The following INTS8 variants were observed in gnomAD, a reference collection of about 807,000 sequenced individuals.
INTS8 encodes protein kaonashi-1.
INTS8 carries 47 observed loss-of-function variants against 138.9 expected under a neutral mutation model. The observed-to-expected ratio is 0.34, with a 90% confidence interval of 0.27 to 0.43. The LOEUF is 0.43. Among genes scored for constraint, INTS8 ranks in the 20% least tolerant of loss-of-function variants. The probability of loss-of-function intolerance (pLI) is 1.00; values close to 1 mark genes in which losing one functional copy is unlikely to be tolerated. For synonymous variants in INTS8, 392 were observed against 400.9 expected (o/e 0.98, Z 0.27); for missense variants, 996 against 1,173.0 (o/e 0.85, Z 2.20).
Position 94,881,595 on chromosome 8 carries a change from C to G in INTS8, c.*1361C>G, listed in dbSNP as rs1159018368. 1 of 1,607,368 alleles carries G rather than the reference C, an allele frequency of 6.2e-7. No individual in the cohort carries two copies. Among genetic ancestry groups the G allele is most frequent in the South Asian group, 1.1e-5 (1 of 90,504 alleles). The stretch of plus-strand genomic sequence containing the variant: ...TTCAGTGATACCAGTTCTACCCAAT[C>G]TTGGTGAATTCCAACTTGTTTGCTT... On this transcript the variant is annotated 3_prime_UTR_variant, in exon 27 of 27. Coordinates refer to ENST00000523731, the MANE Select transcript of INTS8 (RefSeq NM_017864.4).
intron 10 of INTS8, 26 bp downstream of exon 10, chr8:94,842,514 T>C (rs1815172485): frequency 6.3e-7 from 1 of 1,574,958 alleles, no homozygotes; most frequent in African/African-American, 1.4e-5. Context: ...CTTTCCCCTT[T>C]TGATTTATAA....
At position 94,851,466 on chromosome 8, in the gene INTS8, TATA is replaced by T. The variant is rs563410975; in HGVS notation, c.1508-83_1508-81del. 2.7e-4 allele frequency: 237 copies of T among 889,228 alleles called. No homozygotes were observed. In the African/African-American group the frequency reaches 3.7e-3, roughly 14 times the overall value. 55.1% of individuals were successfully genotyped at this position (889,228 alleles called of 1,614,324 possible). ...ATGATAGCAGCTTTTAATTTATAGA[TATA>T]ATACAAAATACATAATTTTAAGTAA... On this transcript the variant is annotated intron_variant, in intron 12 of 26. Coordinates refer to ENST00000523731, the MANE Select transcript of INTS8 (RefSeq NM_017864.4).
At chr8:94,846,787 G>A (rs76883047) in intron 10 of INTS8, among the ~76,000 whole-genome samples, 7,282 of 152,190 alleles carry the variant, frequency 0.048, 230 homozygotes, top group Middle Eastern at 0.065. Flanking sequence ...TGAAGGTCCT[G>A]TTTTTAAAAT....
At chr8:94,867,233 A>T in intron 19 of INTS8, 37 bp downstream of exon 19, 2 of 1,600,040 alleles carry the variant, frequency 1.2e-6, no homozygotes, top group Non-Finnish European at 1.7e-6. Context: ...AAAATTTAAA[A>T]GAAATTTCTT....
At chr8:94,824,045 G>A (rs550887731) in intron 1 of INTS8, among the ~76,000 whole-genome samples, 2 of 152,280 alleles carry the variant, frequency 1.3e-5, no homozygotes, top group South Asian at 2.1e-4. Context: ...TTATTCCAAA[G>A]TTGGGCTGTA....
chr8:94,829,882 T>C (rs1347364656), intron 5 of INTS8, among the ~76,000 whole-genome samples: 1 of 152,232 alleles, frequency 6.6e-6, no homozygotes, highest in African/African-American at 2.4e-5. Context: ...AAATTACTTT[T>C]ATAATAAATT....
chr8:94,838,040 TTTTC>T, intron 7 of INTS8, among the ~76,000 whole-genome samples: 1 of 148,186 alleles, frequency 6.7e-6, no homozygotes, highest in Admixed American at 6.7e-5. Context: ...TAAATTTTTC[TTTTC>T]TTTTTTTTTT....
rs374779459 is a variant in INTS8, at chr8:94,832,207, A to G, written c.753+33A>G. ...TTTGATACTTAATTTACGTAGGGCAATTTTTTGGAAAATCTTAATATGAGA... is the reference window on the plus strand; with the variant it reads ...TTTGATACTTAATTTACGTAGGGCAGTTTTTTGGAAAATCTTAATATGAGA... On this transcript the variant is annotated intron_variant, in intron 6 of 26. Coordinates refer to ENST00000523731, the MANE Select transcript of INTS8 (RefSeq NM_017864.4). The G allele has an allele frequency of 3.9e-6, 6 of 1,555,886 alleles. 1 individual carries two copies. The East Asian group carries it at 6.7e-5, about 18-fold the overall frequency.
At chr8:94,871,271 A>G (rs1586527720) in intron 20 of INTS8, among the ~76,000 whole-genome samples, 3 of 151,274 alleles carry the variant, frequency 2.0e-5, no homozygotes, top group Admixed American at 2.0e-4. Context: ...GTTTGAGACC[A>G]GCCTGGCCAA....
chr8:94,852,988 T>A (rs576390193), intron 13 of INTS8, among the ~76,000 whole-genome samples: 1 of 152,278 alleles, frequency 6.6e-6, no homozygotes, highest in Non-Finnish European at 1.5e-5. Context: ...GGCTTTTTTT[T>A]AGCATTGATG....
chr8:94,838,410 A>T, intron 7 of INTS8, 53 bp from the exon 8 acceptor site: 1 of 1,429,932 alleles, frequency 7.0e-7, no homozygotes, highest in Non-Finnish European at 9.8e-7. Flanking sequence ...GGGGTGCTAG[A>T]CTATTGTTTA....
At chr8:94,869,889 A>G (rs1390315174) in intron 20 of INTS8, among the ~76,000 whole-genome samples, 1 of 152,096 alleles carries the variant, frequency 6.6e-6, no homozygotes, top group African/African-American at 2.4e-5. Context: ...AGGCAAAAGA[A>G]TTGTTTACCC....
chr8:94,824,895 C>A lies in INTS8; in HGVS notation c.133C>A (p.Pro45Thr). Residue 45 changes from proline (P) to threonine (T), a missense_variant and splice_region_variant, in exon 2 of 27, where the codon CCT (proline) becomes ACT (threonine). Pro to Thr is a conservative substitution (Grantham distance 38). Transcript: ENST00000523731. ...EKHLRKPCPDPAPVQLIVQFL... is the reference protein window; with the variant it reads ...EKHLRKPCPDTAPVQLIVQFL... ...ATTTATTTTCTTTTAAACCCTAGAT[C>A]CTGCACCAGTTCAACTTATAGTTCA... is the stretch of plus-strand genomic sequence containing the variant. The A allele has an allele frequency of 1.3e-6, 2 of 1,596,780 alleles. No homozygotes were observed. Among genetic ancestry groups the A allele is most frequent in the South Asian group, 1.1e-5 (1 of 90,712 alleles).
At position 94,880,780 on chromosome 8, in the gene INTS8, T is replaced by C. The variant is rs1816778784; in HGVS notation, c.*546T>C. ...ACACTAAATTAAAAAAAAAAATTCC[T>C]TAGGGATATCTTAGAGTAGTAAAGT... On this transcript the variant is annotated 3_prime_UTR_variant, in exon 27 of 27. Transcript: ENST00000523731. The C allele has an allele frequency of 5.0e-6, 2 of 398,344 alleles. No individual in the cohort carries two copies. Among genetic ancestry groups the C allele is most frequent in the Non-Finnish European group, 8.9e-6 (2 of 225,682 alleles). The allele number at this position is 398,344 out of a possible 1,614,324, so 24.7% of individuals were successfully genotyped here. A position where few individuals can be genotyped will look rare whatever the true frequency, so the allele number is the denominator to read the frequency against.
chr8:94,865,330 C>G (rs1816139455), intron 16 of INTS8, among the ~76,000 whole-genome samples, 176 bp from the exon 17 acceptor site: 1 of 152,168 alleles, frequency 6.6e-6, no homozygotes, highest in African/African-American at 2.4e-5. Context: ...TCAGATCTGT[C>G]AGTACGCAAT....
intron 8 of INTS8, among the ~76,000 whole-genome samples, chr8:94,841,102 G>A (rs541371466): frequency 1.3e-5 from 2 of 151,764 alleles, no homozygotes; most frequent in East Asian, 3.9e-4. Flanking sequence ...TAGTAGAGAC[G>A]GGATTTCACC....
chr8:94,861,786 G>A (rs987501420), intron 16 of INTS8, among the ~76,000 whole-genome samples: 60 of 144,150 alleles, frequency 4.2e-4, no homozygotes, highest in Non-Finnish European at 8.3e-4. Context: ...CCCGACCTCA[G>A]GTGATCCGCC....
At position 94,881,564 on chromosome 8, in the gene INTS8, T is replaced by G; in HGVS notation, c.*1330T>G. 1 of 1,501,920 alleles carries G rather than the reference T, an allele frequency of 6.7e-7. No homozygotes were observed. The highest frequency in any genetic ancestry group is 9.1e-7 in the Non-Finnish European group (1 of 1,095,496). The allele number at this position is 1,501,920 out of a possible 1,614,324, so 93.0% of individuals were successfully genotyped here. ...CACAGCACTACTTTCTGTAAAACTTTAGTAGTTCAGTGATACCAGTTCTAC... is the reference window on the plus strand; with the variant it reads ...CACAGCACTACTTTCTGTAAAACTTGAGTAGTTCAGTGATACCAGTTCTAC... On this transcript the variant is annotated 3_prime_UTR_variant, in exon 27 of 27. Coordinates refer to ENST00000523731, the MANE Select transcript of INTS8 (RefSeq NM_017864.4).
At chr8:94,842,719 T>C (rs1330869724) in intron 10 of INTS8, among the ~76,000 whole-genome samples, 2 of 152,246 alleles carry the variant, frequency 1.3e-5, no homozygotes, top group Non-Finnish European at 2.9e-5. Flanking sequence ...TAGTCCTTCA[T>C]TGACTTCTCT....
Sources: gnomAD v4.1 joint callset for allele counts (sites outside exome capture counted in the v4.1 genomes callset) on GRCh38, gnomAD v4.1.1 for gene constraint, MANE v1.5 for transcripts, NCBI Gene and HGNC (gene_info 2026-07-23, HGNC 2026-07-21) for gene names.